LARP4: variants seen among roughly 807,000 people sequenced by gnomAD.
The protein encoded by LARP4 is la-related protein 4.
LARP4 carries 29 observed loss-of-function variants against 92.9 expected under a neutral mutation model. The observed-to-expected ratio is 0.31, with a 90% CI of 0.23 to 0.43. LARP4 has a LOEUF of 0.43. Among genes scored for constraint, LARP4 ranks in the 20% least tolerant of loss-of-function variants. The pLI, the probability that LARP4 is intolerant of heterozygous loss-of-function variation, is 1.00. For missense variants in LARP4, 732 were observed against 860.0 expected (o/e 0.85, Z 1.86); for synonymous variants, 279 against 284.1 (o/e 0.98, Z 0.18).
Position 50,467,536 on chromosome 12 carries a change from C to G in LARP4, c.1545+416C>G, listed in dbSNP as rs188337251. On this transcript the variant is annotated intron_variant, in intron 13 of 15. Transcript: ENST00000398473. ...CAGGCTGGTCTCCAGCTCCTGACCT[C>G]AAGCCATCTGCCCACCTTGGCCTCC... 1.7e-3 allele frequency among the ~76,000 whole-genome samples: 252 copies of G among 152,208 alleles called. 2 individuals are homozygous for G. Among genetic ancestry groups the G allele is most frequent in the African/African-American group, 5.9e-3 (244 of 41,522 alleles).
At chr12:50,469,366 A>T (rs942208268) in intron 13 of LARP4, among the ~76,000 whole-genome samples, 31 of 152,130 alleles carry the variant, frequency 2.0e-4, no homozygotes, top group African/African-American at 7.5e-4. Flanking sequence ...GCACTTTGGG[A>T]GGCCGAGGCA....
chr12:50,461,468 T>A, intron 11 of LARP4, 121 bp downstream of exon 11: 1 of 1,016,332 alleles, frequency 9.8e-7, no homozygotes, highest in Non-Finnish European at 1.4e-6. Flanking sequence ...TTATATTAAA[T>A]AAATACGTTA....
intron 11 of LARP4, among the ~76,000 whole-genome samples, chr12:50,462,333 A>G (rs539548115): frequency 6.6e-6 from 1 of 152,246 alleles, no homozygotes; most frequent in South Asian, 2.1e-4. Flanking sequence ...TACCAAAATT[A>G]GCTGGGTGTG....
chr12:50,417,387 G>GA lies in LARP4; in HGVS notation c.19-10367dup, dbSNP rs544101845. On this transcript the variant is annotated intron_variant, in intron 1 of 15. Transcript: ENST00000398473. ...AAAACTCTGTCTCAAAAAAAAAAAA[G>GA]AAAAAAAAGAAAATTGCTACTTATA... Among the ~76,000 whole-genome samples the GA allele has an allele frequency of 1.8e-4, 27 of 150,622 alleles. 1 individual carries two copies. The South Asian group carries it at 5.1e-3, about 28-fold the overall frequency.
chr12:50,418,022 G>T (rs561563270), intron 1 of LARP4, among the ~76,000 whole-genome samples: 1 of 152,112 alleles, frequency 6.6e-6, no homozygotes, highest in Non-Finnish European at 1.5e-5. Context: ...CACCACGCCC[G>T]GCTAATTTTT....
At chr12:50,465,110 G>A (rs893395369) in intron 12 of LARP4, among the ~76,000 whole-genome samples, 13 of 151,900 alleles carry the variant, frequency 8.6e-5, no homozygotes, top group South Asian at 2.1e-4. Flanking sequence ...GGTGTCTCAC[G>A]CCTGTAATCC....
chr12:50,438,917 T>C (rs1284686783), intron 6 of LARP4, among the ~76,000 whole-genome samples: 2 of 152,194 alleles, frequency 1.3e-5, no homozygotes, highest in African/African-American at 4.8e-5. Context: ...TGTAATTGAT[T>C]AGCTATTTAG....
intron 8 of LARP4, among the ~76,000 whole-genome samples, chr12:50,447,877 A>AT (rs943031718): frequency 1.3e-5 from 2 of 149,936 alleles, no homozygotes; most frequent in African/African-American, 2.5e-5. Context: ...ATTTTTTTCT[A>AT]TTTTTTTTGA....
intron 1 of LARP4, among the ~76,000 whole-genome samples, chr12:50,422,714 T>TATACATATA (rs1565973775): frequency 6.6e-6 from 1 of 151,166 alleles, no homozygotes; most frequent in African/African-American, 2.4e-5. Flanking sequence ...TGTAGAAATA[T>TATACATATA]GAGTTGAATC....
intron 6 of LARP4, among the ~76,000 whole-genome samples, chr12:50,439,449 G>A (rs1950888981): frequency 6.6e-6 from 1 of 151,800 alleles, no homozygotes; most frequent in Non-Finnish European, 1.5e-5. Flanking sequence ...GTCACTGAGG[G>A]TGTAGTACAG....
chr12:50,459,468 A>G (rs1489193333), intron 10 of LARP4, among the ~76,000 whole-genome samples: 1 of 152,112 alleles, frequency 6.6e-6, no homozygotes, highest in Non-Finnish European at 1.5e-5. Context: ...TTATACATAA[A>G]ATGATTACTT....
At chr12:50,467,932 GC>G (rs1281731799) in intron 13 of LARP4, among the ~76,000 whole-genome samples, 45 of 151,698 alleles carry the variant, frequency 3.0e-4, no homozygotes, top group Middle Eastern at 3.4e-3. Flanking sequence ...ACTACTTTCA[GC>G]TCCTTAGTTT....
chr12:50,454,748 T>G (rs1373058915), intron 10 of LARP4: 1 of 197,072 alleles, frequency 5.1e-6, no homozygotes, highest in Non-Finnish European at 1.0e-5. Flanking sequence ...AGAGAATGAA[T>G]TCTTTGAAGA....
At chr12:50,401,338 T>G in intron 1 of LARP4, 1 of 348,970 alleles carries the variant, frequency 2.9e-6, no homozygotes, top group Admixed American at 4.5e-5. Flanking sequence ...GGAGGCAGCA[T>G]TGGGGGGTTG....
chr12:50,471,854 A>T (rs990131052), intron 13 of LARP4, among the ~76,000 whole-genome samples: 1 of 152,148 alleles, frequency 6.6e-6, no homozygotes, highest in Non-Finnish European at 1.5e-5. Flanking sequence ...ACAGACTCAT[A>T]TATTTTTTTT....
intron 5 of LARP4, among the ~76,000 whole-genome samples, chr12:50,435,966 GTGGGGTCT>G (rs1327576937): frequency 7.6e-6 from 1 of 132,426 alleles, no homozygotes; most frequent in African/African-American, 2.6e-5. Context: ...TTGTATAGAG[GTGGGGTCT>G]TGGTATGTTC....
intron 15 of LARP4, 110 bp downstream of exon 15, chr12:50,474,277 TG>T: frequency 1.3e-6 from 1 of 770,342 alleles, no homozygotes. Context: ...TAGCCCAAGT[TG>T]GGGCTGACTA....
intron 13 of LARP4, among the ~76,000 whole-genome samples, chr12:50,472,264 C>G (rs748005992): frequency 3.3e-5 from 5 of 152,122 alleles, no homozygotes; most frequent in Admixed American, 2.0e-4. Flanking sequence ...GGTTGTGCAC[C>G]TAAGCTCCAG....
At chr12:50,434,012 A>G (rs1950064315) in intron 4 of LARP4, among the ~76,000 whole-genome samples, 1 of 152,224 alleles carries the variant, frequency 6.6e-6, no homozygotes, top group Non-Finnish European at 1.5e-5. Flanking sequence ...GTTGAAATAC[A>G]TTATTGATTG....
Sources: allele counts gnomAD v4.1 joint callset (sites outside exome capture counted in the v4.1 genomes callset), GRCh38; gene constraint gnomAD v4.1.1; transcripts MANE v1.5; gene names NCBI Gene and HGNC (gene_info 2026-07-23, HGNC 2026-07-21).